SEPTIN3: variants seen among roughly 807,000 people sequenced by gnomAD.
SEPTIN3 encodes neuronal-specific septin-3.
In SEPTIN3, 15 loss-of-function variants were observed where a neutral mutation model predicts 45.1. The ratio of observed to expected loss-of-function variants is 0.33; its 90% CI spans 0.22 to 0.51. SEPTIN3 has a LOEUF of 0.51. Among genes scored for constraint, SEPTIN3 ranks in the 20% least tolerant of loss-of-function variants. The pLI is 0.97. For synonymous variants in SEPTIN3, 148 were observed against 164.8 expected (o/e 0.90, Z 0.78); for missense variants, 289 against 457.2 (o/e 0.63, Z 3.35).
chr22:41,975,619 A>T (rs2078010417), intron 2 of SEPTIN3, among the ~76,000 whole-genome samples: 2 of 151,584 alleles, frequency 1.3e-5, no homozygotes, highest in Non-Finnish European at 1.5e-5. Context: ...TGCCTCCCTG[A>T]TCTCACTCTC....
intron 7 of SEPTIN3, among the ~76,000 whole-genome samples, chr22:41,990,243 A>C (rs2078284178): frequency 6.6e-6 from 1 of 151,030 alleles, no homozygotes. Context: ...ATGGGGTTTC[A>C]CTGTGTTAGC....
chr22:41,994,515 G>T lies in SEPTIN3; in HGVS notation c.2412-106G>T. On this transcript the variant is annotated intron_variant, in intron 10 of 11. Transcript: ENST00000644076. This position sits in a 1 kb window ranked among gnomAD's most constrained non-coding sequence, Gnocchi z 4.2. ...CTGTAGAAGAATCCTTAGCTCCTGGGAGTGGTTCCCATTCACTGGGTCCAG... is the reference window on the plus strand; with the variant it reads ...CTGTAGAAGAATCCTTAGCTCCTGGTAGTGGTTCCCATTCACTGGGTCCAG... The T allele has an allele frequency of 1.3e-6, 2 of 1,567,602 alleles. No individual in the cohort carries two copies. Among genetic ancestry groups the T allele is most frequent in the South Asian group, 1.2e-5 (1 of 86,120 alleles).
At chr22:41,978,180 G>T (rs1188500806) in intron 2 of SEPTIN3, among the ~76,000 whole-genome samples, 2 of 152,206 alleles carry the variant, frequency 1.3e-5, no homozygotes, top group South Asian at 2.1e-4. Flanking sequence ...TCACTGGGGG[G>T]TCAGCTGCTC....
At chr22:41,980,576 G>A (rs2078105884) in intron 2 of SEPTIN3, among the ~76,000 whole-genome samples, 1 of 152,194 alleles carries the variant, frequency 6.6e-6, no homozygotes, top group Non-Finnish European at 1.5e-5. Flanking sequence ...AAGTAGCAGA[G>A]CCAGGCTCTT....
chr22:41,984,845 CTTT>C (rs11380985), intron 3 of SEPTIN3, among the ~76,000 whole-genome samples: 3 of 100,684 alleles, frequency 3.0e-5, no homozygotes, highest in African/African-American at 8.0e-5. Context: ...GTGGTTTTCC[CTTT>C]TTTTTTTTTT....
At chr22:41,979,768 G>T (rs966837478) in intron 2 of SEPTIN3, among the ~76,000 whole-genome samples, 4 of 152,196 alleles carry the variant, frequency 2.6e-5, no homozygotes, top group African/African-American at 7.2e-5. Flanking sequence ...GGGAGAGAGG[G>T]TCTTACCAGT....
chr22:41,978,185 C>T (rs2078061877), intron 2 of SEPTIN3, among the ~76,000 whole-genome samples: 1 of 152,198 alleles, frequency 6.6e-6, no homozygotes, highest in Non-Finnish European at 1.5e-5. Context: ...GGGGGGTCAG[C>T]TGCTCTGCAT....
At chr22:41,993,374 G>C (rs999918943) in intron 9 of SEPTIN3, among the ~76,000 whole-genome samples, 2 of 151,900 alleles carry the variant, frequency 1.3e-5, no homozygotes, top group Non-Finnish European at 2.9e-5. Flanking sequence ...ATCCAGGCTG[G>C]AGTGCAGTGG....
In SEPTIN3 at chr22:41,981,559, T is replaced by G; in HGVS notation, c.1505-86T>G. ...CCAGGCCCAACTTTGTATGATTCTG[T>G]AGCAAGAGAAAAATACCATGGTTTC... On this transcript the variant is annotated intron_variant, in intron 2 of 11. Coordinates refer to ENST00000644076, the MANE Select transcript of SEPTIN3 (RefSeq NM_001363845.2). The G allele has an allele frequency of 4.3e-6, 5 of 1,167,580 alleles. No homozygotes were observed. The South Asian group carries it at 7.4e-5, about 17-fold the overall frequency. 72.3% of individuals were successfully genotyped at this position (1,167,580 alleles called of 1,614,324 possible).
intron 4 of SEPTIN3, among the ~76,000 whole-genome samples, chr22:41,986,789 C>T (rs2078216313): frequency 6.6e-6 from 1 of 151,888 alleles, no homozygotes; most frequent in African/African-American, 2.4e-5. Flanking sequence ...GCGTGAGCAA[C>T]CACGCCCGGC....
At position 41,994,883 on chromosome 22, in the gene SEPTIN3, C is replaced by CTGTGCGTG; in HGVS notation, c.2505+173_2505+174insCGTGTGTG. On this transcript the variant is annotated intron_variant, in intron 11 of 11. Transcript: ENST00000644076. The surrounding 1 kb of genome is among the most constrained non-coding windows in gnomAD (Gnocchi z 4.2). ...GTCTGGTATTTGTGGAGCATCTTGT[C>CTGTGCGTG]TGTGTGTGTGTGTGTGTGTGTGTGT... 7.5e-7 allele frequency: 1 copy of CTGTGCGTG among 1,342,222 alleles called. No individual in the cohort carries two copies. The allele number at this position is 1,342,222 out of a possible 1,614,324, so 83.1% of individuals were successfully genotyped here.
rs1006035210 is a variant in SEPTIN3, at chr22:41,997,544, G to T, written c.*577G>T. On this transcript the variant is annotated 3_prime_UTR_variant, in exon 12 of 12. Transcript: ENST00000644076. ...CCACTTGTGGCTGTCCCAGAGTGCG[G>T]TTGTACATCCTCCCCACCTCATAAC... 1 of 152,522 alleles carries T rather than the reference G, an allele frequency of 6.6e-6. No homozygotes were observed. Among genetic ancestry groups the T allele is most frequent in the South Asian group, 2.1e-4 (1 of 4,844 alleles). 9.4% of individuals were successfully genotyped at this position (152,522 alleles called of 1,614,324 possible).
intron 4 of SEPTIN3, among the ~76,000 whole-genome samples, 195 bp downstream of exon 4, chr22:41,986,307 A>C (rs1014027169): frequency 6.6e-6 from 1 of 152,178 alleles, no homozygotes; most frequent in Non-Finnish European, 1.5e-5. Flanking sequence ...CTCGAATGGA[A>C]GGAGGTGAGA....
chr22:41,987,288 G>C lies in SEPTIN3; in HGVS notation c.1907+1G>C. Reference sequence around the variant, plus strand: ...GAGACCAAATCAACAATGAAAACTGGTATCTGTCTGCCTCTGAGATCTTTG... The same window carrying C: ...GAGACCAAATCAACAATGAAAACTGCTATCTGTCTGCCTCTGAGATCTTTG... On this transcript the variant is annotated splice_donor_variant, in intron 5 of 11. Transcript: ENST00000644076. LOFTEE classifies it high-confidence loss of function. 6.2e-7 allele frequency: 1 copy of C among 1,610,954 alleles called. No homozygotes were observed. Among genetic ancestry groups the C allele is most frequent in the Non-Finnish European group, 8.5e-7 (1 of 1,177,894 alleles).
chr22:41,981,949 A>C, intron 3 of SEPTIN3, 113 bp downstream of exon 3: 1 of 954,260 alleles, frequency 1.0e-6, no homozygotes, highest in Non-Finnish European at 1.6e-6. Flanking sequence ...CTGTTTGTAG[A>C]AGGGAGAATT....
At chr22:41,978,371 C>G (rs1049219177) in intron 2 of SEPTIN3, among the ~76,000 whole-genome samples, 1 of 152,164 alleles carries the variant, frequency 6.6e-6, no homozygotes, top group African/African-American at 2.4e-5. Flanking sequence ...AGGGTGAGAA[C>G]TAGTACGTAT....
intron 2 of SEPTIN3, among the ~76,000 whole-genome samples, chr22:41,974,674 A>G (rs915760560): frequency 1.3e-5 from 2 of 150,316 alleles, no homozygotes; most frequent in African/African-American, 4.9e-5. Context: ...AAAAAAAAAA[A>G]AAAGAAAAAA....
chr22:41,976,189 A>C lies in SEPTIN3; in HGVS notation c.1504+3193A>C, dbSNP rs1404288328. 1 of 152,240 alleles carries C rather than the reference A, an allele frequency of 6.6e-6. No individual in the cohort carries two copies. The highest frequency in any genetic ancestry group is 2.4e-5 in the African/African-American group (1 of 41,314). The allele number at this position is 152,240 out of a possible 1,614,324, so 9.4% of individuals were successfully genotyped here. A position where few individuals can be genotyped will look rare whatever the true frequency, so the allele number is the denominator to read the frequency against. ...GAAGTCTTCCAAGCCCCCTCTCCCC[A>C]GGGTGCCCACCTGCCTGCACCCTCA... On this transcript the variant is annotated intron_variant, in intron 2 of 11. Transcript: ENST00000644076. The surrounding 1 kb of genome is among the most constrained non-coding windows in gnomAD (Gnocchi z 5.8).
At chr22:41,992,415 G>A (rs190872079) in intron 8 of SEPTIN3, among the ~76,000 whole-genome samples, 7 of 152,308 alleles carry the variant, frequency 4.6e-5, no homozygotes, top group Admixed American at 2.6e-4. Context: ...AGCTGAAGGA[G>A]AGCTGATTCC....
Sources: gnomAD v4.1 joint callset for allele counts (sites outside exome capture counted in the v4.1 genomes callset) on GRCh38, gnomAD v4.1.1 for gene constraint, Gnocchi (gnomAD v3.1) non-coding constraint, MANE v1.5 for transcripts, NCBI Gene and HGNC (gene_info 2026-07-23, HGNC 2026-07-21) for gene names.